Variants in CSNK2A2IP observed in about 807,000 individuals in gnomAD.
The protein encoded by CSNK2A2IP is casein kinase II subunit alpha'-interacting protein.
At chr3:88,388,563 G>GTA in the CSNK2A2IP span, among the ~76,000 whole-genome samples, 3 of 152,190 alleles carry the variant, frequency 2.0e-5, no homozygotes, top group Non-Finnish European at 2.9e-5. Flanking sequence ...ATGCAAGTCT[G>GTA]TAATTCAATG....
At chr3:88,467,543 A>C in the CSNK2A2IP span, 1 of 398,520 alleles carries the variant, frequency 2.5e-6, no homozygotes, top group Non-Finnish European at 4.4e-6. Context: ...ACACTGTTCA[A>C]ATTTTTCCGG....
At chr3:88,453,510 G>A in the CSNK2A2IP span, among the ~76,000 whole-genome samples, 2 of 152,038 alleles carry the variant, frequency 1.3e-5, no homozygotes, top group African/African-American at 2.4e-5. Context: ...TGATATTTAA[G>A]ACATCTATAC....
At chr3:88,459,848 T>C in the CSNK2A2IP span, among the ~76,000 whole-genome samples, 1 of 152,150 alleles carries the variant, frequency 6.6e-6, no homozygotes, top group Admixed American at 6.5e-5. Flanking sequence ...TTCCTAATAA[T>C]ATAACATCAT....
chr3:88,452,827 A>G, the CSNK2A2IP span, among the ~76,000 whole-genome samples: 6 of 152,160 alleles, frequency 3.9e-5, no homozygotes, highest in Non-Finnish European at 7.4e-5. Context: ...TCACATTTCT[A>G]TCTCTAACAG....
At chr3:88,453,291 G>T in the CSNK2A2IP span, among the ~76,000 whole-genome samples, 42 of 152,164 alleles carry the variant, frequency 2.8e-4, no homozygotes, top group Non-Finnish European at 5.0e-4. Flanking sequence ...TAGGCCTAAT[G>T]GTATTTTAGA....
At chr3:88,444,514 C>T in the CSNK2A2IP span, among the ~76,000 whole-genome samples, 1 of 152,100 alleles carries the variant, frequency 6.6e-6, no homozygotes, top group Non-Finnish European at 1.5e-5. Flanking sequence ...TTTAATATTG[C>T]TAGTTATTTG....
the CSNK2A2IP span, among the ~76,000 whole-genome samples, chr3:88,429,736 ATTT>A: frequency 1.3e-5 from 2 of 151,724 alleles, no homozygotes; most frequent in Non-Finnish European, 2.9e-5. Context: ...GAGTAGGAGC[ATTT>A]TTTTTGTTGT....
At chr3:88,436,369 T>A in the CSNK2A2IP span, among the ~76,000 whole-genome samples, 9 of 152,046 alleles carry the variant, frequency 5.9e-5, no homozygotes, top group Non-Finnish European at 1.0e-4. Context: ...CCAACATAAT[T>A]TCAGGATTCA....
chr3:88,360,650 G>T, the CSNK2A2IP span, among the ~76,000 whole-genome samples: 141,028 of 152,130 alleles, frequency 0.93, 66,045 homozygotes, highest in South Asian at 1. Flanking sequence ...AACTTTCAAT[G>T]GAATAATTTA....
the CSNK2A2IP span, among the ~76,000 whole-genome samples, chr3:88,414,051 G>T: frequency 6.6e-6 from 1 of 151,438 alleles, no homozygotes; most frequent in Admixed American, 6.6e-5. Context: ...TGCCAAGGTA[G>T]AAATTTGCAT....
At chr3:88,467,190 A>G in the CSNK2A2IP span, 1 of 399,944 alleles carries the variant, frequency 2.5e-6, no homozygotes, top group Non-Finnish European at 4.4e-6. Context: ...CCCTGCTCCC[A>G]TCCACCTCCT....
the CSNK2A2IP span, among the ~76,000 whole-genome samples, chr3:88,411,964 C>A: frequency 5.9e-5 from 9 of 151,658 alleles, no homozygotes; most frequent in East Asian, 1.2e-3. Flanking sequence ...AAAGTTTGAA[C>A]TTACTTATGT....
At chr3:88,451,627 C>T in the CSNK2A2IP span, among the ~76,000 whole-genome samples, 2 of 151,524 alleles carry the variant, frequency 1.3e-5, no homozygotes, top group Non-Finnish European at 2.9e-5. Flanking sequence ...TTTGTTGTTC[C>T]TGTATTGTAC....
chr3:88,467,585 TTAGTC>T, the CSNK2A2IP span: 1 of 398,314 alleles, frequency 2.5e-6, no homozygotes, highest in Non-Finnish European at 4.4e-6. Flanking sequence ...AAATTAATCT[TTAGTC>T]TGTTTGAAGG....
the CSNK2A2IP span, among the ~76,000 whole-genome samples, chr3:88,432,098 G>A: frequency 6.6e-6 from 1 of 151,768 alleles, no homozygotes; most frequent in African/African-American, 2.4e-5. Context: ...CACTTGAGCT[G>A]GCTTTTCATT....
chr3:88,410,802 C>T, the CSNK2A2IP span, among the ~76,000 whole-genome samples: 3 of 151,932 alleles, frequency 2.0e-5, no homozygotes, highest in African/African-American at 7.3e-5. Flanking sequence ...TGTATGAATT[C>T]TGATGATAAA....
chr3:88,360,264 G>T, the CSNK2A2IP span, among the ~76,000 whole-genome samples: 1 of 151,436 alleles, frequency 6.6e-6, no homozygotes, highest in East Asian at 2.0e-4. Flanking sequence ...CTCCCGAGTA[G>T]CTGGGACTAC....
chr3:88,353,407 T>C, the CSNK2A2IP span, among the ~76,000 whole-genome samples: 2 of 152,200 alleles, frequency 1.3e-5, no homozygotes, highest in Non-Finnish European at 2.9e-5. Context: ...CTCCTTACCA[T>C]TAGATATGAA....
At chr3:88,352,849 T>C in the CSNK2A2IP span, among the ~76,000 whole-genome samples, 4 of 152,188 alleles carry the variant, frequency 2.6e-5, no homozygotes, top group African/African-American at 4.8e-5. Flanking sequence ...GGCAGGTTTC[T>C]TGACAGTTTA....
Sources: gnomAD v4.1 joint callset for allele counts (sites outside exome capture counted in the v4.1 genomes callset) on GRCh38, gnomAD v4.1.1 for gene constraint, MANE v1.5 for transcripts, NCBI Gene and HGNC (gene_info 2026-07-23, HGNC 2026-07-21) for gene names.